The following CARMIL1 variants were observed in gnomAD, a reference collection of about 807,000 sequenced individuals.
The protein encoded by CARMIL1 is F-actin-uncapping protein LRRC16A.
CARMIL1 carries 90 observed loss-of-function variants against 177.1 expected under a neutral mutation model. The ratio of observed to expected loss-of-function variants is 0.51; its 90% CI spans 0.43 to 0.61. The LOEUF is 0.61. Ranked by LOEUF, CARMIL1 falls within the 20% of genes least tolerant of loss-of-function variation. CARMIL1 has a pLI of 0.00. For synonymous variants in CARMIL1, 577 were observed against 606.2 expected (o/e 0.95, Z 0.71); for missense variants, 1,380 against 1,667.0 (o/e 0.83, Z 3.00).
At chr6:25,290,762 C>G (rs1397438303) in intron 2 of CARMIL1, among the ~76,000 whole-genome samples, 3 of 152,072 alleles carry the variant, frequency 2.0e-5, no homozygotes, top group Admixed American at 6.6e-5. Flanking sequence ...CATTTGTTTT[C>G]TTTTGAAAAG....
At chr6:25,561,402 G>A (rs6902158) in intron 29 of CARMIL1, among the ~76,000 whole-genome samples, 21,518 of 152,110 alleles carry the variant, frequency 0.14, 1,647 homozygotes, top group Middle Eastern at 0.19. Context: ...TTTAATGAGC[G>A]TCATACCAGT....
chr6:25,345,879 A>T (rs1787457437), intron 2 of CARMIL1, among the ~76,000 whole-genome samples: 1 of 152,184 alleles, frequency 6.6e-6, no homozygotes, highest in South Asian at 2.1e-4. Flanking sequence ...GGTCTCCCAA[A>T]GTGCTGGGAT....
At position 25,465,895 on chromosome 6, in the gene CARMIL1, G is replaced by T; in HGVS notation, c.637G>T (p.Ala213Ser). ...DHRDLIPIIAALEYNQWFTKL... is the reference protein window; with the variant it reads ...DHRDLIPIIASLEYNQWFTKL... ...CAGGGACCTAATACCTATCATTGCT[G>T]CTCTGGAATATAATCAGTGGTTCAC... Residue 213 changes from alanine to serine, a missense_variant, in exon 9 of 37, where the codon GCT becomes TCT. Ala to Ser is a moderately conservative substitution (Grantham distance 99, BLOSUM62 1). Coordinates refer to ENST00000329474, the MANE Select transcript of CARMIL1 (RefSeq NM_017640.6). 6.2e-7 allele frequency: 1 copy of T among 1,612,446 alleles called. No homozygotes were observed. The highest frequency in any genetic ancestry group is 8.5e-7 in the Non-Finnish European group (1 of 1,178,612).
rs555402089 is a variant in CARMIL1 at position 25,580,488 on chromosome 6, C to T, written c.2743-436C>T. On this transcript the variant is annotated intron_variant, in intron 29 of 36. Transcript: ENST00000329474. ...AAAATCTTGGGGGCAAAATGTGAAA[C>T]GAGAGTGCAACTACTTAAGTCATTG... Among the ~76,000 whole-genome samples the T allele has an allele frequency of 5.9e-5, 9 of 152,278 alleles. No homozygotes were observed. In the South Asian group the frequency reaches 1.9e-3, roughly 32 times the overall value.
intron 2 of CARMIL1, among the ~76,000 whole-genome samples, chr6:25,387,137 C>T (rs1296415527): frequency 9.8e-6 from 1 of 102,116 alleles, no homozygotes; most frequent in Non-Finnish European, 1.9e-5. Context: ...AAAAAAATCA[C>T]AACAGACTAG....
chr6:25,608,781 A>T (rs1816235523), intron 35 of CARMIL1, among the ~76,000 whole-genome samples: 1 of 152,146 alleles, frequency 6.6e-6, no homozygotes, highest in Non-Finnish European at 1.5e-5. Context: ...GGCGACTGGA[A>T]GTTTAAGACT....
chr6:25,412,737 C>G (rs1795025681), intron 2 of CARMIL1, among the ~76,000 whole-genome samples: 1 of 152,130 alleles, frequency 6.6e-6, no homozygotes, highest in South Asian at 2.1e-4. Flanking sequence ...ATATCTTGGG[C>G]TTTATGAGCC....
intron 29 of CARMIL1, among the ~76,000 whole-genome samples, chr6:25,569,253 G>T (rs965310491): frequency 1.3e-5 from 2 of 152,180 alleles, no homozygotes; most frequent in African/African-American, 4.8e-5. Flanking sequence ...TCATTCAGTA[G>T]GGATGTTGAT....
chr6:25,361,991 AAAAG>A (rs955420364), intron 2 of CARMIL1, among the ~76,000 whole-genome samples: 47 of 152,316 alleles, frequency 3.1e-4, no homozygotes, highest in African/African-American at 9.4e-4. Flanking sequence ...AGAAATTAAA[AAAAG>A]AAAGAAAAAA....
chr6:25,417,948 C>T (rs969143092), intron 2 of CARMIL1, among the ~76,000 whole-genome samples: 2 of 152,028 alleles, frequency 1.3e-5, no homozygotes, highest in Admixed American at 6.6e-5. Context: ...AGAGTAGCAA[C>T]GCTTAGGGAC....
At chr6:25,595,192 C>T (rs1054909709) in intron 32 of CARMIL1, among the ~76,000 whole-genome samples, 4 of 152,100 alleles carry the variant, frequency 2.6e-5, no homozygotes, top group Non-Finnish European at 5.9e-5. Context: ...TGATTTGTAC[C>T]ATGTTATTTA....
chr6:25,388,457 C>T (rs1418506280), intron 2 of CARMIL1, among the ~76,000 whole-genome samples: 2 of 152,068 alleles, frequency 1.3e-5, no homozygotes, highest in African/African-American at 2.4e-5. Flanking sequence ...ACCTCCGCCT[C>T]CCGGGTTCAA....
At chr6:25,528,420 A>G (rs940140338) in intron 23 of CARMIL1, among the ~76,000 whole-genome samples, 10 of 152,212 alleles carry the variant, frequency 6.6e-5, no homozygotes, top group Non-Finnish European at 1.2e-4. Flanking sequence ...GGGGATATTT[A>G]TTTAACTTCT....
chr6:25,483,047 C>T (rs192008950), intron 12 of CARMIL1, among the ~76,000 whole-genome samples: 1 of 152,174 alleles, frequency 6.6e-6, no homozygotes, highest in East Asian at 1.9e-4. Context: ...GATGTGTTCC[C>T]TCTTCCCAAG....
intron 26 of CARMIL1, among the ~76,000 whole-genome samples, chr6:25,545,770 C>T (rs1401709331): frequency 6.6e-6 from 1 of 151,980 alleles, no homozygotes; most frequent in Non-Finnish European, 1.5e-5. Flanking sequence ...AAAAAGAGCC[C>T]ACATGTTTAT....
At chr6:25,471,333 T>TG (rs1801081664) in intron 10 of CARMIL1, 76 bp downstream of exon 10, 1 of 928,182 alleles carries the variant, frequency 1.1e-6, no homozygotes, top group Non-Finnish European at 1.6e-6. Context: ...AATTCATAGT[T>TG]TTTTTTTTTT....
chr6:25,479,279 T>G (rs748979063), intron 11 of CARMIL1: 3 of 504,104 alleles, frequency 6.0e-6, no homozygotes, highest in South Asian at 4.4e-5. Flanking sequence ...TGTACTCCTT[T>G]GTGTGTGGCT....
In CARMIL1 at chr6:25,517,391, A is replaced by G. The variant is rs888016623; in HGVS notation, c.1850A>G (p.Gln617Arg). 6.2e-7 allele frequency: 1 copy of G among 1,613,402 alleles called. No homozygotes were observed. The highest frequency in any genetic ancestry group is 1.3e-5 in the African/African-American group (1 of 75,058). The change falls in exon 22 of 37, where the codon CAG (glutamine) becomes CGG (arginine). Residue 617 changes from glutamine to arginine, a missense_variant. Coordinates refer to ENST00000329474, the MANE Select transcript of CARMIL1 (RefSeq NM_017640.6). The stretch of plus-strand genomic sequence containing the variant: ...AACAACATCACTGCACAAGGCTTTC[A>G]GGATATAGCTGTTGCTATGGAAAAG... ...DKNNITAQGF[Q>R]DIAVAMEKNY...
At chr6:25,285,927 A>G (rs142995945) in intron 2 of CARMIL1, among the ~76,000 whole-genome samples, 34 of 152,268 alleles carry the variant, frequency 2.2e-4, no homozygotes, top group Non-Finnish European at 3.7e-4. Flanking sequence ...GCTGGAGTGC[A>G]ATGGTGTGAT....
Sources: gnomAD v4.1 joint callset for allele counts (sites outside exome capture counted in the v4.1 genomes callset) on GRCh38, gnomAD v4.1.1 for gene constraint, MANE v1.5 for transcripts, NCBI Gene and HGNC (gene_info 2026-07-23, HGNC 2026-07-21) for gene names.